PPP6R2: variants seen among roughly 807,000 people sequenced by gnomAD.
The protein encoded by PPP6R2 is serine/threonine-protein phosphatase 6 regulatory subunit 2.
In PPP6R2, 62 loss-of-function variants were observed where a neutral mutation model predicts 100.2. The observed-to-expected ratio is 0.62, with a 90% confidence interval of 0.50 to 0.76. The LOEUF is 0.76. Ranked by LOEUF, PPP6R2 falls within the 30% of genes least tolerant of loss-of-function variation. The pLI, the probability that PPP6R2 is intolerant of heterozygous loss-of-function variation, is 0.00. For missense variants in PPP6R2, 1,142 were observed against 1,276.3 expected, an observed-to-expected ratio of 0.89 and a Z score of 1.60; for synonymous variants, 525 against 514.7, an observed-to-expected ratio of 1.02 and a Z score of -0.27.
In PPP6R2 at chr22:50,398,258, G is replaced by A. The variant is rs557736664; in HGVS notation, c.227+4123G>A. On this transcript the variant is annotated intron_variant, in intron 3 of 23. Coordinates refer to ENST00000612753, the MANE Select transcript of PPP6R2 (RefSeq NM_001242898.2). ...GCGATCTCGGTTCACTACAACCTCC[G>A]CGTCCCAGGTTCAAGTGATTCTCCT... Among the ~76,000 whole-genome samples the A allele has an allele frequency of 1.3e-3, 197 of 147,022 alleles. 1 individual carries two copies. Among genetic ancestry groups the A allele is most frequent in the South Asian group, 4.3e-3 (20 of 4,624 alleles).
intron 3 of PPP6R2, among the ~76,000 whole-genome samples, chr22:50,395,322 C>T (rs2056551908): frequency 6.6e-6 from 1 of 152,164 alleles, no homozygotes; most frequent in African/African-American, 2.4e-5. Context: ...TGGCTGGAGC[C>T]TCAGGGCCTT....
At chr22:50,335,954 G>C in the PPP6R2 span, among the ~76,000 whole-genome samples, 1 of 149,600 alleles carries the variant, frequency 6.7e-6, no homozygotes, top group Non-Finnish European at 1.5e-5. Context: ...GAGATTACAG[G>C]CGTGAGCCAC....
chr22:50,442,699 G>A (rs371168518), intron 22 of PPP6R2, among the ~76,000 whole-genome samples: 8 of 151,942 alleles, frequency 5.3e-5, no homozygotes, highest in African/African-American at 9.7e-5. Flanking sequence ...ACAGGCATCC[G>A]CCACCACCAG....
At chr22:50,436,920 G>A (rs1298001910) in intron 14 of PPP6R2, 68 bp from the exon 15 acceptor site, 13 of 1,314,646 alleles carry the variant, frequency 9.9e-6, no homozygotes, top group African/African-American at 1.5e-5. Flanking sequence ...GGTCCTGGGC[G>A]CTGGGCTGGG....
rs1216145865 is a variant in PPP6R2, at chr22:50,444,501, C to A, written c.*254C>A. On this transcript the variant is annotated 3_prime_UTR_variant, in exon 24 of 24. Coordinates refer to ENST00000612753, the MANE Select transcript of PPP6R2 (RefSeq NM_001242898.2). ...AGCCGCCCCCAAGCCCAGAGCACAG[C>A]AATAAGGTCGGCCTGCAGGAGCCGG... 2 of 251,940 alleles carry A rather than the reference C, an allele frequency of 7.9e-6. No homozygotes were observed. Among genetic ancestry groups the A allele is most frequent in the Non-Finnish European group, 1.4e-5 (2 of 140,242 alleles). The allele number at this position is 251,940 out of a possible 1,614,324, so 15.6% of individuals were successfully genotyped here.
At chr22:50,350,104 C>T (rs1307357564) in intron 1 of PPP6R2, among the ~76,000 whole-genome samples, 2 of 151,860 alleles carry the variant, frequency 1.3e-5, no homozygotes, top group African/African-American at 4.8e-5. Flanking sequence ...GGCAACAGAG[C>T]AAGACTCTGT....
chr22:50,391,569 C>T (rs1384084612), intron 2 of PPP6R2, among the ~76,000 whole-genome samples: 1 of 152,056 alleles, frequency 6.6e-6, no homozygotes, highest in Non-Finnish European at 1.5e-5. Flanking sequence ...CACTGCACTC[C>T]AGCCTGGACA....
At chr22:50,422,449 G>A (rs1603347949) in intron 9 of PPP6R2, 69 bp downstream of exon 9, 6 of 1,576,656 alleles carry the variant, frequency 3.8e-6, no homozygotes, top group Non-Finnish European at 1.7e-6. Context: ...GCAGGGAGGA[G>A]AAGCCACAGC....
Position 50,444,874 on chromosome 22 carries a change from G to A in PPP6R2, c.*627G>A, listed in dbSNP as rs902939885. On this transcript the variant is annotated 3_prime_UTR_variant, in exon 24 of 24. Transcript: ENST00000612753. ...AGGGATGTCCCTGTGCCCAGCACAG[G>A]GTGCCTGGCAGGGGGAGACCACAGG... 2.6e-5 allele frequency: 4 copies of A among 153,278 alleles called. No individual in the cohort carries two copies. The highest frequency in any genetic ancestry group is 9.7e-5 in the African/African-American group (4 of 41,418). The allele number at this position is 153,278 out of a possible 1,614,324, so 9.5% of individuals were successfully genotyped here. A position where few individuals can be genotyped will look rare whatever the true frequency, so the allele number is the denominator to read the frequency against.
chr22:50,444,213 C>A lies in PPP6R2; in HGVS notation c.2846C>A (p.Pro949Gln). The A allele has an allele frequency of 6.2e-7, 1 of 1,613,104 alleles. No homozygotes were observed. Among genetic ancestry groups the A allele is most frequent in the African/African-American group, 1.3e-5 (1 of 75,032 alleles). Residue 949 changes from proline to glutamine, a missense_variant, in exon 24 of 24, where the codon CCG becomes CAG. Transcript: ENST00000612753. ...CATTCCTGCAGGAAGACAGATGCCC[C>A]GCCAGAAGGAGCTGCCTTAAATGGC... The part of the protein sequence containing the change: ...TVTKDGKTDA[P>Q]PEGAALNGPV
At chr22:50,342,389 G>A (rs1044374964), upstream of PPP6R2, among the ~76,000 whole-genome samples, 11 of 152,258 alleles carry the variant, frequency 7.2e-5, no homozygotes, top group African/African-American at 2.7e-4. Context: ...CGGCGAGGAG[G>A]GTGCTGCTGA....
At chr22:50,331,191 C>A in the PPP6R2 span, among the ~76,000 whole-genome samples, 276 of 151,978 alleles carry the variant, frequency 1.8e-3, 3 homozygotes, top group African/African-American at 6.3e-3. Flanking sequence ...ATGATGTTTT[C>A]GTGTCCATTT....
chr22:50,366,504 G>A lies in PPP6R2; in HGVS notation c.-147-5516G>A, dbSNP rs369121620. On this transcript the variant is annotated intron_variant, in intron 1 of 23. Coordinates refer to ENST00000612753, the MANE Select transcript of PPP6R2 (RefSeq NM_001242898.2). ...TTTTTAGTAGAGATGGAGTTTCACC[G>A]TGTTGGCCAGGCTGGTCTCGAACTC... 2.0e-4 allele frequency among the ~76,000 whole-genome samples: 30 copies of A among 151,946 alleles called. No individual in the cohort carries two copies. In the South Asian group the frequency reaches 2.3e-3, roughly 12 times the overall value.
In PPP6R2 at chr22:50,381,652, G is replaced by T. The variant is rs188532206; in HGVS notation, c.-17+9502G>T. Reference sequence around the variant, plus strand: ...GGAATAGAAACTGGCCAGGCGTGGTGGCTCACGCCTGTAATCCCAGCACTT... The same window carrying T: ...GGAATAGAAACTGGCCAGGCGTGGTTGCTCACGCCTGTAATCCCAGCACTT... On this transcript the variant is annotated intron_variant, in intron 2 of 23. Transcript: ENST00000612753. Among the ~76,000 whole-genome samples the T allele has an allele frequency of 2.3e-3, 351 of 152,286 alleles. 2 individuals are homozygous for T. The highest frequency in any genetic ancestry group is 7.4e-3 in the African/African-American group (307 of 41,568).
chr22:50,339,328 T>C (rs1159714958), upstream of PPP6R2, among the ~76,000 whole-genome samples: 2 of 113,816 alleles, frequency 1.8e-5, no homozygotes, highest in African/African-American at 3.6e-5. Context: ...GTAGTGTGTG[T>C]GGTGTGTGTG....
At chr22:50,376,509 G>A (rs1386544702) in intron 2 of PPP6R2, among the ~76,000 whole-genome samples, 8 of 152,004 alleles carry the variant, frequency 5.3e-5, no homozygotes, top group Non-Finnish European at 1.2e-4. Flanking sequence ...TGCAACTTCC[G>A]CCTCCTGGGC....
At chr22:50,335,034 T>C in the PPP6R2 span, among the ~76,000 whole-genome samples, 9 of 151,788 alleles carry the variant, frequency 5.9e-5, no homozygotes, top group Admixed American at 1.3e-4. Flanking sequence ...TGGGGGAGAA[T>C]TGCTATCTTA....
intron 4 of PPP6R2, among the ~76,000 whole-genome samples, chr22:50,414,261 C>T (rs1186982772): frequency 4.0e-5 from 6 of 148,172 alleles, no homozygotes; most frequent in African/African-American, 1.2e-4. Context: ...CTGCTCACGG[C>T]AGCCTGTGCT....
Position 50,443,945 on chromosome 22 carries a change from G to T in PPP6R2, c.2659G>T (p.Val887Leu). 6.2e-7 allele frequency: 1 copy of T among 1,609,984 alleles called. No homozygotes were observed. Among genetic ancestry groups the T allele is most frequent in the South Asian group, 1.1e-5 (1 of 90,562 alleles). Reference protein sequence around the residue: ...KEVTAAPAVAVPPEATVAITT... With the variant: ...KEVTAAPAVALPPEATVAITT... ...AGTGACTGCTGCCCCAGCCGTGGCT[G>T]TGCCCCCCGAGGCTACTGTGGCCAT... Residue 887 changes from valine (V) to leucine (L), a missense_variant, in exon 23 of 24, where the codon GTG becomes TTG. Coordinates refer to ENST00000612753, the MANE Select transcript of PPP6R2 (RefSeq NM_001242898.2).
Sources: gnomAD v4.1 joint callset for allele counts (sites outside exome capture counted in the v4.1 genomes callset) on GRCh38, gnomAD v4.1.1 for gene constraint, MANE v1.5 for transcripts, NCBI Gene and HGNC (gene_info 2026-07-23, HGNC 2026-07-21) for gene names.